Variants in CHL1 observed in about 807,000 individuals in gnomAD.
CHL1 encodes the protein cell adhesion molecule L1 like.
CHL1 carries 96 observed loss-of-function variants against 141.9 expected under a neutral mutation model. The observed-to-expected ratio is 0.68, with a 90% CI of 0.57 to 0.80. The LOEUF (loss-of-function observed/expected upper bound fraction) is 0.80. Ranked by LOEUF, CHL1 falls within the 30% of genes least tolerant of loss-of-function variation. The pLI is 0.00. For synonymous variants in CHL1, 613 were observed against 502.2 expected (o/e 1.22, Z -2.95); for missense variants, 1,820 against 1,457.2 (o/e 1.25, Z -4.05).
Position 319,749 on chromosome 3 carries a change from T to C in CHL1, c.-28T>C, listed in dbSNP as rs1700414036. On this transcript the variant is annotated 5_prime_UTR_variant, in exon 3 of 28. Transcript: ENST00000256509. ...GAGGAGACATTAAGATTTTCATTCT[T>C]ACCGGGTTGTCTTCTTCCTGAAGAG... 6.8e-7 allele frequency: 1 copy of C among 1,465,530 alleles called. No individual in the cohort carries two copies. The highest frequency in any genetic ancestry group is 1.7e-5 in the Admixed American group (1 of 58,772). The allele number at this position is 1,465,530 out of a possible 1,614,324, so 90.8% of individuals were successfully genotyped here. A position where few individuals can be genotyped will look rare whatever the true frequency, so the allele number is the denominator to read the frequency against.
At chr3:306,103 C>T (rs369611809) in intron 2 of CHL1, among the ~76,000 whole-genome samples, 15 of 152,030 alleles carry the variant, frequency 9.9e-5, no homozygotes, top group Non-Finnish European at 1.8e-4. Flanking sequence ...TCATGGAAAA[C>T]GAGGACAAGA....
In CHL1 at chr3:348,881, G is replaced by A. The variant is rs528210744; in HGVS notation, c.849-478G>A. ...GCAGGAGCCCCATTCTCCATGATCAGCATCATAGGATTAAAAGGGAAACTT... is the reference window on the plus strand; with the variant it reads ...GCAGGAGCCCCATTCTCCATGATCAACATCATAGGATTAAAAGGGAAACTT... On this transcript the variant is annotated intron_variant, in intron 9 of 27. Transcript: ENST00000256509. 2.0e-5 allele frequency among the ~76,000 whole-genome samples: 3 copies of A among 152,308 alleles called. No individual in the cohort carries two copies. The East Asian group carries it at 5.8e-4, about 29-fold the overall frequency.
intron 5 of CHL1, among the ~76,000 whole-genome samples, chr3:336,315 G>T (rs1015010955): frequency 1.4e-4 from 21 of 152,116 alleles, no homozygotes; most frequent in African/African-American, 5.1e-4. Flanking sequence ...GAGTGCCGGA[G>T]AATCTGTAGT....
At chr3:368,035 G>C (rs770887709) in intron 15 of CHL1, among the ~76,000 whole-genome samples, 1 of 152,026 alleles carries the variant, frequency 6.6e-6, no homozygotes, top group East Asian at 1.9e-4. Flanking sequence ...CTTTACTATT[G>C]TAAATAGTGC....
At chr3:269,664 T>G (rs1440369165) in intron 2 of CHL1, among the ~76,000 whole-genome samples, 1 of 152,178 alleles carries the variant, frequency 6.6e-6, no homozygotes, top group Non-Finnish European at 1.5e-5. Context: ...TAGCTGGGAT[T>G]ACAGGCATGC....
chr3:283,121 G>C (rs1696813064), intron 2 of CHL1, among the ~76,000 whole-genome samples: 1 of 152,122 alleles, frequency 6.6e-6, no homozygotes, highest in Admixed American at 6.5e-5. Context: ...TCATTTATGG[G>C]AAAGAAACAC....
intron 2 of CHL1, among the ~76,000 whole-genome samples, chr3:303,443 G>A (rs1273803528): frequency 6.6e-6 from 1 of 152,090 alleles, no homozygotes; most frequent in African/African-American, 2.4e-5. Context: ...TCTTGAAGAG[G>A]CCCTTCACAT....
chr3:343,335 AG>A (rs1228739127), intron 8 of CHL1, among the ~76,000 whole-genome samples: 6 of 152,174 alleles, frequency 3.9e-5, no homozygotes, highest in African/African-American at 1.4e-4. Context: ...ATGGTATATA[AG>A]GTTGATACTT....
rs1271414463 is a variant in CHL1 at position 278,027 on chromosome 3, G to A, written c.-95+33335G>A. 1.4e-4 allele frequency among the ~76,000 whole-genome samples: 22 copies of A among 152,206 alleles called. 1 individual carries two copies. The highest frequency in any genetic ancestry group is 1.4e-3 in the Admixed American group (22 of 15,276). ...GGAGTGTGTTTGTGAGCTTGTGCATGTGAGCTGGAAGGAAGTGTGGTTGCC... is the reference window on the plus strand; with the variant it reads ...GGAGTGTGTTTGTGAGCTTGTGCATATGAGCTGGAAGGAAGTGTGGTTGCC... On this transcript the variant is annotated intron_variant, in intron 2 of 27. Coordinates refer to ENST00000256509, the MANE Select transcript of CHL1 (RefSeq NM_006614.4).
chr3:197,970 A>G, intron 1 of CHL1: 2 of 364,194 alleles, frequency 5.5e-6, no homozygotes. Flanking sequence ...GGCTGGGGAA[A>G]GCCAGCCCCT....
intron 2 of CHL1, among the ~76,000 whole-genome samples, chr3:275,456 G>A (rs999410429): frequency 6.6e-6 from 1 of 152,002 alleles, no homozygotes. Flanking sequence ...TATATTGATG[G>A]CAACCGTAGG....
Position 361,756 on chromosome 3 carries a change from A to G in CHL1, c.1364A>G (p.Tyr455Cys), listed in dbSNP as rs772640741. The G allele has an allele frequency of 1.9e-6, 3 of 1,613,704 alleles. No homozygotes were observed. In the Admixed American group the frequency reaches 5.0e-5, roughly 27 times the overall value. ...DGENYATVVG[Y>C]SAFLHCEFFA... The stretch of plus-strand genomic sequence containing the variant: ...GAAAATTACGCTACAGTGGTTGGGT[A>G]CAGTGCTTTCTTACATTGCGAGTTC... The change falls in exon 13 of 28, where the codon TAC becomes TGC. Residue 455 changes from tyrosine (Y) to cysteine (C), a missense_variant. Coordinates refer to ENST00000256509, the MANE Select transcript of CHL1 (RefSeq NM_006614.4).
chr3:260,473 TA>T (rs1694616026), intron 2 of CHL1, among the ~76,000 whole-genome samples: 1 of 152,200 alleles, frequency 6.6e-6, no homozygotes, highest in African/African-American at 2.4e-5. Context: ...TTTACAGAGG[TA>T]AAAGGGCCTT....
intron 1 of CHL1, among the ~76,000 whole-genome samples, chr3:240,792 C>A (rs1692485085): frequency 6.6e-6 from 1 of 152,052 alleles, no homozygotes; most frequent in Non-Finnish European, 1.5e-5. Context: ...AGATGAGGAT[C>A]CAGTTTCATT....
chr3:205,800 T>C (rs1280997019), intron 1 of CHL1, among the ~76,000 whole-genome samples: 1 of 152,220 alleles, frequency 6.6e-6, no homozygotes, highest in Admixed American at 6.5e-5. Context: ...TGATCATTTA[T>C]CAAGTGTTTA....
intron 2 of CHL1, among the ~76,000 whole-genome samples, chr3:291,885 C>A (rs555657967): frequency 7.9e-5 from 12 of 152,250 alleles, no homozygotes; most frequent in Admixed American, 7.2e-4. Context: ...AGTCTCACAG[C>A]AGAAAAATTG....
At chr3:358,247 C>T (rs1267336295) in intron 11 of CHL1, among the ~76,000 whole-genome samples, 2 of 152,126 alleles carry the variant, frequency 1.3e-5, no homozygotes, top group African/African-American at 4.8e-5. Context: ...CCAGGCTGCC[C>T]ACATTCCTGG....
intron 27 of CHL1, 42 bp downstream of exon 27, chr3:401,740 C>T (rs750119974): frequency 3.4e-6 from 4 of 1,164,762 alleles, no homozygotes; most frequent in Non-Finnish European, 2.5e-6. Flanking sequence ...ACATATTCAT[C>T]ATGTTGAAAG....
chr3:226,845 A>G (rs560704669), intron 1 of CHL1, among the ~76,000 whole-genome samples: 1 of 152,340 alleles, frequency 6.6e-6, no homozygotes, highest in East Asian at 1.9e-4. Flanking sequence ...ACAATTTGAT[A>G]AACAAGGATC....
Sources: gnomAD v4.1 joint callset for allele counts (sites outside exome capture counted in the v4.1 genomes callset) on GRCh38, gnomAD v4.1.1 for gene constraint, MANE v1.5 for transcripts, NCBI Gene and HGNC (gene_info 2026-07-23, HGNC 2026-07-21) for gene names.